ADAMTS14: variants seen among roughly 807,000 people sequenced by gnomAD.
The protein encoded by ADAMTS14 is A disintegrin and metalloproteinase with thrombospondin motifs 14.
ADAMTS14 carries 100 observed loss-of-function variants against 128.6 expected under a neutral mutation model. That is an observed-to-expected ratio of 0.78 (90% CI 0.66 to 0.92). The LOEUF (loss-of-function observed/expected upper bound fraction) is 0.92, where lower values mean the gene tolerates loss of function less well. ADAMTS14 is among the 40% of genes least tolerant of loss of function. ADAMTS14 has a pLI of 0.00. For synonymous variants in ADAMTS14, 665 were observed against 653.8 expected (o/e 1.02, Z -0.26); for missense variants, 1,562 against 1,658.6 (o/e 0.94, Z 1.01).
Position 70,760,751 on chromosome 10 carries a change from C to A in ADAMTS14, c.3570C>A (p.Gly1190=). 1.2e-6 allele frequency: 2 copies of A among 1,613,926 alleles called. No homozygotes were observed. The highest frequency in any genetic ancestry group is 3.3e-5 in the Admixed American group (2 of 59,992). ...SPTTPGGLPW[G]WTQTPTPVPE... Reference sequence around the variant, plus strand: ...CCACCCCCGGGGGGCTGCCTTGGGGCTGGACTCAGACACCTACGCCAGTCC... The same window carrying A: ...CCACCCCCGGGGGGCTGCCTTGGGGATGGACTCAGACACCTACGCCAGTCC... The change falls in exon 22 of 22, where the codon GGC becomes GGA. Residue 1190 remains glycine (G), a synonymous_variant. Coordinates refer to ENST00000373207, the MANE Select transcript of ADAMTS14 (RefSeq NM_080722.4).
At chr10:70,715,492 GGCTCTAAGAGGGTCA>G (rs1276410214) in intron 4 of ADAMTS14, among the ~76,000 whole-genome samples, 2 of 152,090 alleles carry the variant, frequency 1.3e-5, no homozygotes, top group African/African-American at 4.8e-5. Context: ...CCCTGATAAG[GGCTCTAAGAGGGTCA>G]GCTCAAATGA....
intron 10 of ADAMTS14, among the ~76,000 whole-genome samples, chr10:70,737,436 T>C (rs181264628): frequency 6.6e-6 from 1 of 152,224 alleles, no homozygotes; most frequent in East Asian, 1.9e-4. Flanking sequence ...CTGACCAACC[T>C]CAGGGTTGTT....
intron 2 of ADAMTS14, among the ~76,000 whole-genome samples, chr10:70,687,328 C>G (rs745627818): frequency 7.4e-5 from 5 of 67,282 alleles, no homozygotes; most frequent in Admixed American, 3.5e-4. Flanking sequence ...GCTGGCCGGG[C>G]GGGGGGCCGA....
At chr10:70,675,240 G>A (rs1475198516) in intron 2 of ADAMTS14, among the ~76,000 whole-genome samples, 19 of 152,192 alleles carry the variant, frequency 1.2e-4, no homozygotes. Context: ...AAGCTGTTTG[G>A]CTGGTGTTTC....
At chr10:70,760,256 A>C in intron 21 of ADAMTS14, 104 bp from the exon 22 acceptor site, 2 of 1,431,094 alleles carry the variant, frequency 1.4e-6, no homozygotes, top group South Asian at 2.9e-5. Context: ...CAGCAGGGGC[A>C]GGGGTGGAGG....
In ADAMTS14 at chr10:70,725,884, A is replaced by G. The variant is rs1190433171; in HGVS notation, c.871-3410A>G. 3.9e-5 allele frequency among the ~76,000 whole-genome samples: 6 copies of G among 152,094 alleles called. No individual in the cohort carries two copies. In the East Asian group the frequency reaches 9.7e-4, roughly 25 times the overall value. On this transcript the variant is annotated intron_variant, in intron 4 of 21. Coordinates refer to ENST00000373207, the MANE Select transcript of ADAMTS14 (RefSeq NM_080722.4). ...TAAGGGCCCACAACCTTCTTGGTCCAGGGATCGTTCCAGCTCCTCCACTGA... is the reference window on the plus strand; with the variant it reads ...TAAGGGCCCACAACCTTCTTGGTCCGGGGATCGTTCCAGCTCCTCCACTGA...
Position 70,743,641 on chromosome 10 carries a change from A to G in ADAMTS14, c.2018A>G (p.Tyr673Cys). ...QVVHDGTRCS[Y>C]RDPYSVCARG... ...GTTCACGATGGGACACGCTGCAGCT[A>G]CCGGGACCCATACAGCGTCTGTGCG... Residue 673 changes from tyrosine (Y) to cysteine (C), a missense_variant, in exon 13 of 22, where the codon TAC (tyrosine) becomes TGC (cysteine). Transcript: ENST00000373207. 1.2e-6 allele frequency: 2 copies of G among 1,610,804 alleles called. No homozygotes were observed. Among genetic ancestry groups the G allele is most frequent in the Non-Finnish European group, 1.7e-6 (2 of 1,178,838 alleles).
intron 4 of ADAMTS14, among the ~76,000 whole-genome samples, chr10:70,728,361 G>A (rs568905563): frequency 3.3e-5 from 5 of 152,296 alleles, no homozygotes; most frequent in Non-Finnish European, 5.9e-5. Flanking sequence ...TAGTAGTGTC[G>A]GTGATTTCAT....
chr10:70,738,725 A>C, intron 10 of ADAMTS14, 117 bp from the exon 11 acceptor site: 1 of 1,384,826 alleles, frequency 7.2e-7, no homozygotes, highest in Non-Finnish European at 9.9e-7. Flanking sequence ...AGCTCATGCT[A>C]GGGGTGGGAT....
At chr10:70,743,823 GC>G (rs1271427167) in intron 13 of ADAMTS14, 142 bp downstream of exon 13, 20 of 1,290,578 alleles carry the variant, frequency 1.5e-5, no homozygotes, top group Non-Finnish European at 2.1e-5. Context: ...GCCCTGGGGT[GC>G]TGGAAGGGGC....
At chr10:70,749,634 T>TGC (rs1452208089) in intron 15 of ADAMTS14, among the ~76,000 whole-genome samples, 188 bp from the exon 16 acceptor site, 6 of 126,562 alleles carry the variant, frequency 4.7e-5, no homozygotes, top group African/African-American at 1.6e-4. Flanking sequence ...TGTGTGTGTG[T>TGC]GTGCGCGCAC....
At position 70,735,211 on chromosome 10, in the gene ADAMTS14, G is replaced by T. The variant is rs1461171745; in HGVS notation, c.1395G>T (p.Trp465Cys). Residue 465 changes from tryptophan (W) to cysteine (C), a missense_variant, in exon 9 of 22, where the codon TGG (tryptophan) becomes TGT (cysteine). Physicochemically the swap from Trp to Cys is radical, Grantham distance 215. Coordinates refer to ENST00000373207, the MANE Select transcript of ADAMTS14 (RefSeq NM_080722.4). The stretch of plus-strand genomic sequence containing the variant: ...TCGATGACCCCTTTGATCCTGCCTG[G>T]CCCCAGCCCCCAGAGCTGCCTGGGA... ...CLLDDPFDPAWPQPPELPGIN... is the reference protein window; with the variant it reads ...CLLDDPFDPACPQPPELPGIN... The T allele has an allele frequency of 1.2e-6, 2 of 1,613,586 alleles. No homozygotes were observed. Among genetic ancestry groups the T allele is most frequent in the Admixed American group, 3.3e-5 (2 of 59,948 alleles).
chr10:70,710,229 G>A (rs189707064), intron 4 of ADAMTS14, among the ~76,000 whole-genome samples: 3 of 152,374 alleles, frequency 2.0e-5, no homozygotes, highest in East Asian at 3.9e-4. Context: ...AACAGGGCAG[G>A]TGCCCTTCAC....
intron 3 of ADAMTS14, among the ~76,000 whole-genome samples, chr10:70,703,540 C>G (rs1840559500): frequency 6.6e-6 from 1 of 152,216 alleles, no homozygotes; most frequent in South Asian, 2.1e-4. Context: ...GAGGGCAGGG[C>G]TGGCGGGGCC....
intron 15 of ADAMTS14, among the ~76,000 whole-genome samples, chr10:70,746,561 A>T (rs1842184727): frequency 6.6e-6 from 1 of 152,214 alleles, no homozygotes; most frequent in Non-Finnish European, 1.5e-5. Context: ...TAATCCCAAC[A>T]CTTTGGGAGG....
chr10:70,708,793 G>T lies in ADAMTS14; in HGVS notation c.870+15G>T, dbSNP rs1840746650. 4 of 1,369,856 alleles carry T rather than the reference G, an allele frequency of 2.9e-6. No individual in the cohort carries two copies. Among genetic ancestry groups the T allele is most frequent in the Non-Finnish European group, 3.9e-6 (4 of 1,012,728 alleles). The allele number at this position is 1,369,856 out of a possible 1,614,324, so 84.9% of individuals were successfully genotyped here. ...TCATGAATATCGTGAGTGTCCATGT[G>T]TCCTAGGACTTGGGGGGAGTGGGGT... On this transcript the variant is annotated intron_variant, in intron 4 of 21. Coordinates refer to ENST00000373207, the MANE Select transcript of ADAMTS14 (RefSeq NM_080722.4).
intron 10 of ADAMTS14, among the ~76,000 whole-genome samples, chr10:70,738,011 G>A (rs1841880334): frequency 6.6e-6 from 1 of 152,136 alleles, no homozygotes. Context: ...CCTCATTATA[G>A]TGCCTCCAAA....
chr10:70,709,300 G>A (rs188870927), intron 4 of ADAMTS14, among the ~76,000 whole-genome samples: 27 of 152,284 alleles, frequency 1.8e-4, no homozygotes, highest in African/African-American at 6.0e-4. Context: ...AGGGATGTGG[G>A]CAAATTCTAA....
At chr10:70,711,903 C>T (rs1406098323) in intron 4 of ADAMTS14, among the ~76,000 whole-genome samples, 1 of 152,192 alleles carries the variant, frequency 6.6e-6, no homozygotes, top group Non-Finnish European at 1.5e-5. Context: ...CAGAGATCAG[C>T]TCCAATGACA....
Sources: allele counts gnomAD v4.1 joint callset (sites outside exome capture counted in the v4.1 genomes callset), GRCh38; gene constraint gnomAD v4.1.1; transcripts MANE v1.5; gene names NCBI Gene and HGNC (gene_info 2026-07-23, HGNC 2026-07-21).